Variants in RNF38 observed in about 807,000 individuals in gnomAD.
RNF38 encodes the protein ring finger protein 38.
RNF38 carries 15 observed loss-of-function variants against 67.2 expected under a neutral mutation model. The observed-to-expected ratio is 0.22, with a 90% CI of 0.15 to 0.34. The LOEUF (loss-of-function observed/expected upper bound fraction) is 0.34. Among genes scored for constraint, RNF38 ranks in the 10% least tolerant of loss-of-function variants. The pLI, the probability that RNF38 is intolerant of heterozygous loss-of-function variation, is 1.00. For missense variants in RNF38, 524 were observed against 639.9 expected (o/e 0.82, Z 1.95); for synonymous variants, 220 against 218.8 (o/e 1.01, Z -0.05).
At chr9:36,485,961 C>T (rs1840400094) in intron 1 of RNF38, among the ~76,000 whole-genome samples, 1 of 152,156 alleles carries the variant, frequency 6.6e-6, no homozygotes, top group Non-Finnish European at 1.5e-5. Flanking sequence ...TAAGTGACTG[C>T]AGACCAATTC....
At chr9:36,482,604 C>T (rs891068486) in intron 1 of RNF38, among the ~76,000 whole-genome samples, 3 of 152,166 alleles carry the variant, frequency 2.0e-5, no homozygotes, top group African/African-American at 4.8e-5. Context: ...CCACCCACCT[C>T]GGCCTCCCAA....
At chr9:36,407,889 CTG>C (rs770720903) in intron 2 of RNF38, among the ~76,000 whole-genome samples, 3 of 152,276 alleles carry the variant, frequency 2.0e-5, no homozygotes, top group South Asian at 2.1e-4. Context: ...GGAACCATCT[CTG>C]TATTTTTTTT....
At chr9:36,352,667 CAA>C in intron 8 of RNF38, 73 bp downstream of exon 8, 3 of 1,102,642 alleles carry the variant, frequency 2.7e-6, no homozygotes, top group Non-Finnish European at 4.1e-6. Flanking sequence ...GCTATAGACA[CAA>C]AGACATTCAC....
intron 4 of RNF38, among the ~76,000 whole-genome samples, chr9:36,367,125 C>T (rs2255698): frequency 0.64 from 97,779 of 151,926 alleles, 31,570 homozygotes; most frequent in Non-Finnish European, 0.66. Context: ...TTAAATAGTC[C>T]TTGATTTTTG....
chr9:36,487,221 C>A, intron 1 of RNF38: 2 of 842,530 alleles, frequency 2.4e-6, no homozygotes, highest in Non-Finnish European at 2.9e-6. Flanking sequence ...GTCGGCGGGG[C>A]CGGGCGCCTG....
At chr9:36,388,984 AG>A (rs1236131673) in intron 2 of RNF38, among the ~76,000 whole-genome samples, 1 of 152,124 alleles carries the variant, frequency 6.6e-6, no homozygotes, top group East Asian at 1.9e-4. Context: ...AACTAGCTGA[AG>A]GTATCAGTAT....
At chr9:36,350,010 G>A (rs1379451623) in intron 9 of RNF38, among the ~76,000 whole-genome samples, 2 of 152,056 alleles carry the variant, frequency 1.3e-5, no homozygotes, top group African/African-American at 4.8e-5. Context: ...TAGAAACGGG[G>A]TTTCACCATG....
chr9:36,382,793 A>G (rs12376699), intron 2 of RNF38, among the ~76,000 whole-genome samples: 24,610 of 152,206 alleles, frequency 0.16, 2,629 homozygotes, highest in Non-Finnish European at 0.23. Flanking sequence ...AGATTTACAA[A>G]TAAGCACAGC....
chr9:36,348,770 G>A (rs936741931), intron 9 of RNF38, among the ~76,000 whole-genome samples: 5 of 152,246 alleles, frequency 3.3e-5, no homozygotes, highest in African/African-American at 1.2e-4. Context: ...GCAAGGTGAT[G>A]CTGGAAATGC....
At chr9:36,442,596 A>G (rs576638238) in intron 1 of RNF38, among the ~76,000 whole-genome samples, 43 of 152,300 alleles carry the variant, frequency 2.8e-4, no homozygotes, top group African/African-American at 9.9e-4. Context: ...CCAGGTTAAC[A>G]TGGTGAAACC....
intron 6 of RNF38, among the ~76,000 whole-genome samples, chr9:36,355,494 C>A (rs1013158977): frequency 6.6e-6 from 1 of 152,150 alleles, no homozygotes; most frequent in Admixed American, 6.5e-5. Context: ...CTTTTCATCA[C>A]AACATAGTGA....
At chr9:36,467,067 T>C (rs1287148673) in intron 1 of RNF38, among the ~76,000 whole-genome samples, 1 of 136,300 alleles carries the variant, frequency 7.3e-6, no homozygotes, top group Non-Finnish European at 1.6e-5. Context: ...TAATCCCTGC[T>C]ACTCAGGAGG....
At chr9:36,392,363 T>C (rs1199603032) in intron 1 of RNF38, among the ~76,000 whole-genome samples, 2 of 152,146 alleles carry the variant, frequency 1.3e-5, no homozygotes, top group Non-Finnish European at 2.9e-5. Context: ...GTGCTATCCT[T>C]TACCATTACG....
At position 36,356,354 on chromosome 9, in the gene RNF38, ATGAGGAGGATGATGGGGAGAAAGG is replaced by A. The variant is rs752572925; in HGVS notation, c.834_857del (p.Ser280_Leu287del). 6 of 1,613,944 alleles carry A rather than the reference ATGAGGAGGATGATGGGGAGAAAGG, an allele frequency of 3.7e-6. No homozygotes were observed. The highest frequency in any genetic ancestry group is 2.2e-5 in the East Asian group (1 of 44,888). On this transcript the variant is annotated inframe_deletion, in exon 6 of 12. Transcript: ENST00000259605. Reference sequence around the variant, plus strand: ...GGACAAACTGGCCTGGTGGTGGCAAATGAGGAGGATGATGGGGAGAAAGGTGAGGAGGATGTATAAGAAATGGAT... The same window carrying A: ...GGACAAACTGGCCTGGTGGTGGCAAATGAGGAGGATGTATAAGAAATGGAT...
intron 2 of RNF38, among the ~76,000 whole-genome samples, chr9:36,419,854 T>G (rs1028203028): frequency 6.6e-6 from 1 of 152,016 alleles, no homozygotes; most frequent in African/African-American, 2.4e-5. Flanking sequence ...CACAGAATTC[T>G]GAACCTGACA....
At chr9:36,368,872 G>C (rs190290353) in intron 4 of RNF38, among the ~76,000 whole-genome samples, 12 of 151,820 alleles carry the variant, frequency 7.9e-5, no homozygotes, top group African/African-American at 1.2e-4. Flanking sequence ...ATAAGGACAT[G>C]CTTAGACACA....
intron 1 of RNF38, among the ~76,000 whole-genome samples, chr9:36,473,329 T>C (rs1346065979): frequency 1.3e-5 from 2 of 151,974 alleles, no homozygotes; most frequent in Admixed American, 1.3e-4. Context: ...AGCTCATGCC[T>C]ATAATCCCAA....
chr9:36,417,355 T>C (rs929117947), intron 2 of RNF38, among the ~76,000 whole-genome samples: 7 of 152,200 alleles, frequency 4.6e-5, no homozygotes, highest in South Asian at 2.1e-4. Flanking sequence ...CACTGTTTTG[T>C]CCATCCGAGT....
At chr9:36,453,863 C>T (rs1839520413) in intron 1 of RNF38, among the ~76,000 whole-genome samples, 1 of 152,054 alleles carries the variant, frequency 6.6e-6, no homozygotes, top group Admixed American at 6.6e-5. Context: ...ACATAGTAGT[C>T]ATGTACACGA....
Sources: allele counts gnomAD v4.1 joint callset (sites outside exome capture counted in the v4.1 genomes callset), GRCh38; gene constraint gnomAD v4.1.1; transcripts MANE v1.5; gene names NCBI Gene and HGNC (gene_info 2026-07-23, HGNC 2026-07-21).